KPNA6: variants seen among roughly 807,000 people sequenced by gnomAD.
KPNA6 encodes the protein importin subunit alpha-7.
In KPNA6, 9 loss-of-function variants were observed where a neutral mutation model predicts 72.0. The ratio of observed to expected loss-of-function variants is 0.13; its 90% CI spans 0.08 to 0.22. KPNA6 has a LOEUF of 0.22. Among genes scored for constraint, KPNA6 ranks in the 10% least tolerant of loss-of-function variants. The probability of loss-of-function intolerance (pLI) is 1.00; values close to 1 mark genes in which losing one functional copy is unlikely to be tolerated. For synonymous variants in KPNA6, 219 were observed against 242.1 expected (o/e 0.90, Z 0.89); for missense variants, 374 against 655.7 (o/e 0.57, Z 4.69).
chr1:32,129,611 A>G lies in KPNA6; in HGVS notation c.4+21477A>G, dbSNP rs893784410. Among the ~76,000 whole-genome samples, 3 of 152,138 alleles carry G rather than the reference A, an allele frequency of 2.0e-5. No homozygotes were observed. In the South Asian group the frequency reaches 6.2e-4, roughly 31 times the overall value. On this transcript the variant is annotated intron_variant, in intron 1 of 13. Coordinates refer to ENST00000373625, the MANE Select transcript of KPNA6 (RefSeq NM_012316.5). ...CGCTCTGTCACCCAGGCTGGAGTGC[A>G]GTAGCGCCATCATAGCTCACTGCAG... is the stretch of plus-strand genomic sequence containing the variant.
At chr1:32,170,402 T>C (rs1642414787) in intron 13 of KPNA6, among the ~76,000 whole-genome samples, 1 of 152,212 alleles carries the variant, frequency 6.6e-6, no homozygotes, top group Admixed American at 6.5e-5. Context: ...GCTGTACCTA[T>C]AAGAGTGCTG....
intron 12 of KPNA6, among the ~76,000 whole-genome samples, chr1:32,168,284 G>A (rs140153536): frequency 6.6e-6 from 1 of 152,364 alleles, no homozygotes; most frequent in African/African-American, 2.4e-5. Flanking sequence ...CTGCCTCCCA[G>A]GTTCAAGCGA....
chr1:32,158,646 T>A (rs1430851205), intron 5 of KPNA6, among the ~76,000 whole-genome samples: 1 of 152,210 alleles, frequency 6.6e-6, no homozygotes. Flanking sequence ...CTGGGTTTTT[T>A]TGTACCCATT....
chr1:32,118,993 TATAC>T (rs1159658789), intron 1 of KPNA6, among the ~76,000 whole-genome samples: 55 of 89,372 alleles, frequency 6.2e-4, no homozygotes, highest in African/African-American at 1.5e-3. Flanking sequence ...TGTGTGTGTG[TATAC>T]ATATATATAT....
At position 32,171,075 on chromosome 1, in the gene KPNA6, G is replaced by GA; in HGVS notation, c.*183dup. On this transcript the variant is annotated 3_prime_UTR_variant, in exon 14 of 14. Transcript: ENST00000373625. ...GGAGGGAGCACCCTCTGGACAGACA[G>GA]AACCATCTGAGGCTCACCTTTGGGT... 3.3e-6 allele frequency: 2 copies of GA among 599,450 alleles called. No homozygotes were observed. The highest frequency in any genetic ancestry group is 5.9e-6 in the Non-Finnish European group (2 of 338,872). The allele number at this position is 599,450 out of a possible 1,614,324, so 37.1% of individuals were successfully genotyped here.
chr1:32,137,298 C>T (rs1171857160), intron 1 of KPNA6, among the ~76,000 whole-genome samples: 4 of 152,074 alleles, frequency 2.6e-5, no homozygotes, highest in East Asian at 3.9e-4. Flanking sequence ...CTCAGCCTCC[C>T]GAGTTGCTGG....
Position 32,138,947 on chromosome 1 carries a change from C to G in KPNA6, c.5-15641C>G, listed in dbSNP as rs75710945. 1.5e-3 allele frequency among the ~76,000 whole-genome samples: 232 copies of G among 152,124 alleles called. 3 individuals carry two copies. In the East Asian group the frequency reaches 0.04, roughly 26 times the overall value. On this transcript the variant is annotated intron_variant, in intron 1 of 13. Transcript: ENST00000373625. ...TTTTCACATGAATTCTGGAGGAAAT[C>G]GTGGTTTCTGGGTTTTTAGTAAGAA...
chr1:32,135,781 GTT>G (rs907498090), intron 1 of KPNA6, among the ~76,000 whole-genome samples: 4 of 141,790 alleles, frequency 2.8e-5, no homozygotes, highest in Non-Finnish European at 1.6e-5. Flanking sequence ...GAGTTATGGG[GTT>G]TTTTTTTTTT....
chr1:32,110,572 G>A (rs780620046), intron 1 of KPNA6, among the ~76,000 whole-genome samples: 3 of 152,124 alleles, frequency 2.0e-5, no homozygotes, highest in Non-Finnish European at 2.9e-5. Context: ...GAAAGAAGGG[G>A]TGGGGCTGTG....
chr1:32,124,504 C>T (rs1167983065), intron 1 of KPNA6, among the ~76,000 whole-genome samples: 1 of 145,856 alleles, frequency 6.9e-6, no homozygotes, highest in Admixed American at 7.0e-5. Flanking sequence ...AGTGAGGCCT[C>T]ATCTTTTTTT....
intron 1 of KPNA6, among the ~76,000 whole-genome samples, chr1:32,154,120 C>T (rs952511506): frequency 6.6e-6 from 1 of 151,912 alleles, no homozygotes; most frequent in Non-Finnish European, 1.5e-5. Flanking sequence ...GCACTCCAGC[C>T]TGGGTGACAG....
At chr1:32,161,575 CCTATA>C (rs1642239250) in intron 7 of KPNA6, among the ~76,000 whole-genome samples, 1 of 152,198 alleles carries the variant, frequency 6.6e-6, no homozygotes, top group Non-Finnish European at 1.5e-5. Context: ...TCACAGTAGA[CCTATA>C]GCTTTTATTT....
chr1:32,144,694 A>G (rs1232120118), intron 1 of KPNA6, among the ~76,000 whole-genome samples: 1 of 151,854 alleles, frequency 6.6e-6, no homozygotes, highest in Non-Finnish European at 1.5e-5. Context: ...TCTGTCGCCC[A>G]GGGTGGAATG....
At chr1:32,152,711 G>T (rs1642055960) in intron 1 of KPNA6, among the ~76,000 whole-genome samples, 1 of 151,946 alleles carries the variant, frequency 6.6e-6, no homozygotes, top group Non-Finnish European at 1.5e-5. Flanking sequence ...CAGACGTGGT[G>T]GCGGGCGCCT....
chr1:32,140,734 G>A (rs1641821626), intron 1 of KPNA6, among the ~76,000 whole-genome samples: 1 of 152,172 alleles, frequency 6.6e-6, no homozygotes, highest in South Asian at 2.1e-4. Context: ...GGAATCACAG[G>A]TGAGATTCCT....
chr1:32,120,939 G>T (rs1641422927), intron 1 of KPNA6, among the ~76,000 whole-genome samples: 1 of 150,448 alleles, frequency 6.6e-6, no homozygotes, highest in South Asian at 2.1e-4. Context: ...CGCGATCACA[G>T]CTCACTGCAA....
chr1:32,138,399 C>T (rs573744431), intron 1 of KPNA6, among the ~76,000 whole-genome samples: 3 of 151,304 alleles, frequency 2.0e-5, no homozygotes, highest in Admixed American at 1.3e-4. Context: ...CAAAATTAGC[C>T]GGGCGTGGTG....
intron 5 of KPNA6, among the ~76,000 whole-genome samples, 165 bp from the exon 6 acceptor site, chr1:32,159,235 T>C (rs1171681862): frequency 2.0e-5 from 3 of 152,178 alleles, no homozygotes; most frequent in Non-Finnish European, 4.4e-5. Context: ...GTATTTTATG[T>C]GTGTGTGTTT....
chr1:32,171,285 T>A lies in KPNA6; in HGVS notation c.*391T>A, dbSNP rs1322420435. 1 of 179,600 alleles carries A rather than the reference T, an allele frequency of 5.6e-6. No individual in the cohort carries two copies. Among genetic ancestry groups the A allele is most frequent in the Non-Finnish European group, 1.2e-5 (1 of 83,540 alleles). 11.1% of individuals were successfully genotyped at this position (179,600 alleles called of 1,614,324 possible). ...GGTGACTTCCTTCCCTTTATCTTTTTTCATTCTTCCCGGTCCTCTGCCCTG... is the reference window on the plus strand; with the variant it reads ...GGTGACTTCCTTCCCTTTATCTTTTATCATTCTTCCCGGTCCTCTGCCCTG... On this transcript the variant is annotated 3_prime_UTR_variant, in exon 14 of 14. Coordinates refer to ENST00000373625, the MANE Select transcript of KPNA6 (RefSeq NM_012316.5).
Sources: allele counts gnomAD v4.1 joint callset (sites outside exome capture counted in the v4.1 genomes callset), GRCh38; gene constraint gnomAD v4.1.1; transcripts MANE v1.5; gene names NCBI Gene and HGNC (gene_info 2026-07-23, HGNC 2026-07-21).